Variants in OPCML observed in about 807,000 individuals in gnomAD.
OPCML encodes the protein opioid binding protein/cell adhesion molecule like.
Under a neutral mutation model 37.8 loss-of-function variants are expected in OPCML, and 13 were observed. The observed-to-expected ratio is 0.34, with a 90% CI of 0.22 to 0.55. The LOEUF is 0.55. OPCML is among the 20% of genes least tolerant of loss of function. The pLI, the probability that OPCML is intolerant of heterozygous loss-of-function variation, is 0.91. For synonymous variants in OPCML, 176 were observed against 168.8 expected (o/e 1.04, Z -0.33); for missense variants, 341 against 435.6 (o/e 0.78, Z 1.93).
At chr11:132,903,090 T>A (rs1944119110) in intron 2 of OPCML, among the ~76,000 whole-genome samples, 1 of 152,232 alleles carries the variant, frequency 6.6e-6, no homozygotes, top group Non-Finnish European at 1.5e-5. Flanking sequence ...CTCTTTCATT[T>A]AAGCCTCAAC....
intron 4 of OPCML, among the ~76,000 whole-genome samples, chr11:132,513,726 T>A (rs1271950488): frequency 6.6e-6 from 1 of 152,178 alleles, no homozygotes; most frequent in Non-Finnish European, 1.5e-5. Context: ...CAGTCACCTC[T>A]TCCAGGATGC....
At chr11:132,754,324 T>C (rs1271420797) in intron 2 of OPCML, among the ~76,000 whole-genome samples, 1 of 152,154 alleles carries the variant, frequency 6.6e-6, no homozygotes, top group African/African-American at 2.4e-5. Context: ...GATAAGTCTT[T>C]CCTGTGCTAT....
At chr11:133,179,832 G>A (rs1361140946) in intron 1 of OPCML, among the ~76,000 whole-genome samples, 1 of 152,224 alleles carries the variant, frequency 6.6e-6, no homozygotes, top group African/African-American at 2.4e-5. Context: ...AGGTGAGAAT[G>A]AGATGCAATC....
At chr11:132,655,514 G>A (rs1941660926) in intron 3 of OPCML, among the ~76,000 whole-genome samples, 1 of 152,248 alleles carries the variant, frequency 6.6e-6, no homozygotes, top group African/African-American at 2.4e-5. Context: ...CAGAGCTGTG[G>A]GTGGACGTGT....
intron 1 of OPCML, among the ~76,000 whole-genome samples, chr11:133,310,792 C>T (rs1023198946): frequency 6.6e-6 from 1 of 152,186 alleles, no homozygotes; most frequent in African/African-American, 2.4e-5. Context: ...CTCACTCTCA[C>T]CTACAAGTCC....
chr11:132,628,174 C>G lies in OPCML; in HGVS notation c.379+28913G>C, dbSNP rs538035278. On this transcript the variant is annotated intron_variant, in intron 3 of 7. Coordinates refer to ENST00000524381, the MANE Select transcript of OPCML (RefSeq NM_001012393.5). ...GTGAGATGGGAGGGCATGGTGTTAC[C>G]TTGGCGTAAGTAATGAGGGGATGGA... Among the ~76,000 whole-genome samples the G allele has an allele frequency of 9.2e-5, 14 of 152,080 alleles. No individual in the cohort carries two copies. In the South Asian group the frequency reaches 2.5e-3, roughly 27 times the overall value.
intron 2 of OPCML, among the ~76,000 whole-genome samples, chr11:132,686,212 G>C (rs1456278590): frequency 6.6e-6 from 1 of 152,164 alleles, no homozygotes; most frequent in Non-Finnish European, 1.5e-5. Context: ...TTCTAACTCA[G>C]ACTGTGCAAC....
At chr11:133,444,510 A>G (rs867886219) in intron 1 of OPCML, among the ~76,000 whole-genome samples, 1 of 152,328 alleles carries the variant, frequency 6.6e-6, no homozygotes, top group African/African-American at 2.4e-5. Flanking sequence ...AGATTGCTAA[A>G]TCAAATATAA....
At chr11:133,179,836 T>C (rs1228099469) in intron 1 of OPCML, among the ~76,000 whole-genome samples, 1 of 152,090 alleles carries the variant, frequency 6.6e-6, no homozygotes, top group Non-Finnish European at 1.5e-5. Flanking sequence ...GAGAATGAGA[T>C]GCAATCAGTA....
chr11:132,430,746 C>T (rs947128440), intron 7 of OPCML, among the ~76,000 whole-genome samples: 1 of 152,174 alleles, frequency 6.6e-6, no homozygotes, highest in Non-Finnish European at 1.5e-5. Context: ...TTTCTCTCTG[C>T]AGTCTCCCCC....
At chr11:132,810,605 C>A (rs912887628) in intron 2 of OPCML, among the ~76,000 whole-genome samples, 2 of 152,124 alleles carry the variant, frequency 1.3e-5, no homozygotes, top group African/African-American at 4.8e-5. Context: ...GCAGGAGAAT[C>A]ACTTGAACCT....
At chr11:133,104,286 C>T (rs1345182927) in intron 1 of OPCML, among the ~76,000 whole-genome samples, 1 of 152,186 alleles carries the variant, frequency 6.6e-6, no homozygotes, top group Non-Finnish European at 1.5e-5. Flanking sequence ...ACGGAAGAGT[C>T]ATCATAAATT....
At chr11:133,207,281 C>T (rs1215554047) in intron 1 of OPCML, among the ~76,000 whole-genome samples, 1 of 152,084 alleles carries the variant, frequency 6.6e-6, no homozygotes, top group Non-Finnish European at 1.5e-5. Flanking sequence ...GCCTGGGCGA[C>T]AGAGTGAGAC....
intron 4 of OPCML, among the ~76,000 whole-genome samples, chr11:132,482,670 A>G (rs992498484): frequency 5.3e-5 from 8 of 152,234 alleles, no homozygotes; most frequent in Non-Finnish European, 8.8e-5. Context: ...AAAATCCTCA[A>G]TAAAATACTG....
chr11:132,650,280 G>T (rs367823887), intron 3 of OPCML, among the ~76,000 whole-genome samples: 1 of 152,144 alleles, frequency 6.6e-6, no homozygotes, highest in Non-Finnish European at 1.5e-5. Context: ...AAAAGACTGC[G>T]ATTACTTTCA....
At chr11:132,754,674 G>A (rs553344300) in intron 2 of OPCML, among the ~76,000 whole-genome samples, 7 of 152,112 alleles carry the variant, frequency 4.6e-5, no homozygotes, top group Non-Finnish European at 1.0e-4. Context: ...GGTGATAGGG[G>A]GACCACAGAG....
At chr11:133,235,348 C>T (rs567741085) in intron 1 of OPCML, among the ~76,000 whole-genome samples, 32 of 152,228 alleles carry the variant, frequency 2.1e-4, no homozygotes, top group African/African-American at 7.7e-4. Context: ...TTTCATCCCT[C>T]TCTCCTAAGA....
At chr11:132,575,385 A>T (rs1362615479) in intron 3 of OPCML, among the ~76,000 whole-genome samples, 1 of 151,658 alleles carries the variant, frequency 6.6e-6, no homozygotes, top group Non-Finnish European at 1.5e-5. Context: ...ATATGCTTTG[A>T]TTTGTTTCTG....
intron 2 of OPCML, among the ~76,000 whole-genome samples, chr11:132,737,533 G>C (rs1265761690): frequency 6.6e-6 from 1 of 152,116 alleles, no homozygotes. Context: ...AATCATTTAT[G>C]TGATACTATA....
Sources: gnomAD v4.1 joint callset for allele counts (sites outside exome capture counted in the v4.1 genomes callset) on GRCh38, gnomAD v4.1.1 for gene constraint, MANE v1.5 for transcripts, NCBI Gene and HGNC (gene_info 2026-07-23, HGNC 2026-07-21) for gene names.